Variants in ASAP2 observed in about 807,000 individuals in gnomAD.
The protein encoded by ASAP2 is arf-GAP with SH3 domain, ANK repeat and PH domain-containing protein 2.
Under a neutral mutation model 131.4 loss-of-function variants are expected in ASAP2, and 45 were observed. The observed-to-expected ratio is 0.34, with a 90% CI of 0.27 to 0.44. The LOEUF is 0.44. Among genes scored for constraint, ASAP2 ranks in the 20% least tolerant of loss-of-function variants. The pLI, the probability that ASAP2 is intolerant of heterozygous loss-of-function variation, is 1.00. For synonymous variants in ASAP2, 510 were observed against 503.0 expected, an observed-to-expected ratio of 1.01 and a Z score of -0.19; for missense variants, 1,011 against 1,297.0, an observed-to-expected ratio of 0.78 and a Z score of 3.39.
intron 1 of ASAP2, among the ~76,000 whole-genome samples, chr2:9,266,499 TC>T (rs1470192238): frequency 6.6e-6 from 1 of 152,148 alleles, no homozygotes; most frequent in Non-Finnish European, 1.5e-5. Context: ...TCAGTGCTGT[TC>T]CTGTGCGGGT....
At chr2:9,386,610 C>G (rs1675280377) in intron 21 of ASAP2, among the ~76,000 whole-genome samples, 1 of 152,210 alleles carries the variant, frequency 6.6e-6, no homozygotes, top group Non-Finnish European at 1.5e-5. Context: ...TGTGAAGAAC[C>G]ACTGGGTGCT....
At chr2:9,215,517 G>C (rs936758198) in intron 1 of ASAP2, among the ~76,000 whole-genome samples, 4 of 151,776 alleles carry the variant, frequency 2.6e-5, no homozygotes, top group African/African-American at 9.7e-5. Context: ...ATTACCATGT[G>C]TTGCTTACAT....
chr2:9,266,691 G>T (rs1665970086), intron 1 of ASAP2, among the ~76,000 whole-genome samples: 2 of 152,208 alleles, frequency 1.3e-5, no homozygotes, highest in Admixed American at 1.3e-4. Context: ...AAAAATGAAA[G>T]AAGTGTTTCT....
At chr2:9,295,392 A>C (rs993821741) in intron 2 of ASAP2, among the ~76,000 whole-genome samples, 1 of 152,260 alleles carries the variant, frequency 6.6e-6, no homozygotes, top group Non-Finnish European at 1.5e-5. Flanking sequence ...TGTGCTTTGA[A>C]TAAGTGACGC....
At chr2:9,237,830 C>A (rs1436156744) in intron 1 of ASAP2, among the ~76,000 whole-genome samples, 1 of 152,140 alleles carries the variant, frequency 6.6e-6, no homozygotes, top group Non-Finnish European at 1.5e-5. Context: ...TTTTGATTTG[C>A]AGAGCAGTTG....
At chr2:9,213,182 C>T (rs1020532593) in intron 1 of ASAP2, among the ~76,000 whole-genome samples, 24 of 152,164 alleles carry the variant, frequency 1.6e-4, no homozygotes, top group African/African-American at 5.3e-4. Flanking sequence ...AGCCTCTCTG[C>T]AGAGGTGACA....
intron 1 of ASAP2, among the ~76,000 whole-genome samples, chr2:9,259,342 C>G (rs932555155): frequency 6.6e-6 from 1 of 152,214 alleles, no homozygotes; most frequent in Non-Finnish European, 1.5e-5. Flanking sequence ...TGCTGCACTT[C>G]CCCTCCCTTC....
Position 9,207,731 on chromosome 2 carries a change from C to T in ASAP2, c.126+501C>T, listed in dbSNP as rs560499482. 6.6e-6 allele frequency among the ~76,000 whole-genome samples: 1 copy of T among 152,166 alleles called. No homozygotes were observed. The highest frequency in any genetic ancestry group is 2.1e-4 in the South Asian group (1 of 4,824). ...GGGCATCCCGGGCTGCCCGGGAAGG[C>T]GTGCCCGCCTCAGCCAGGGCGGCCT... On this transcript the variant is annotated intron_variant, in intron 1 of 27. Transcript: ENST00000281419. This position sits in a 1 kb window ranked among gnomAD's most constrained non-coding sequence, Gnocchi z 4.1.
intron 7 of ASAP2, among the ~76,000 whole-genome samples, chr2:9,331,027 G>T (rs1163465163): frequency 6.6e-6 from 1 of 152,246 alleles, no homozygotes; most frequent in African/African-American, 2.4e-5. Context: ...CAGAGTAAGA[G>T]CTCGCAGCCG....
In ASAP2 at chr2:9,268,182, C is replaced by T. The variant is rs1241278917; in HGVS notation, c.127-11135C>T. 6.6e-6 allele frequency among the ~76,000 whole-genome samples: 1 copy of T among 152,146 alleles called. No homozygotes were observed. The highest frequency in any genetic ancestry group is 2.4e-5 in the African/African-American group (1 of 41,416). On this transcript the variant is annotated intron_variant, in intron 1 of 27. Coordinates refer to ENST00000281419, the MANE Select transcript of ASAP2 (RefSeq NM_003887.3). The surrounding 1 kb of genome is among the most constrained non-coding windows in gnomAD (Gnocchi z 4.1). ...GTTGTGGGGTAAGTTTGTTCTCTTC[C>T]GTTGCTGTGTAGCATTCTGTTGTAC...
intron 24 of ASAP2, among the ~76,000 whole-genome samples, chr2:9,395,603 T>C (rs1376166294): frequency 7.6e-5 from 7 of 91,596 alleles, no homozygotes; most frequent in South Asian, 4.7e-4. Flanking sequence ...TCTTTTTTTT[T>C]TTTTTTTTTT....
rs1355600270 is a variant in ASAP2 at position 9,207,031 on chromosome 2, C to T, written c.-74C>T. 2.6e-6 allele frequency: 3 copies of T among 1,175,714 alleles called. No homozygotes were observed. Among genetic ancestry groups the T allele is most frequent in the Non-Finnish European group, 3.2e-6 (3 of 946,260 alleles). The allele number at this position is 1,175,714 out of a possible 1,614,324, so 72.8% of individuals were successfully genotyped here. A position where few individuals can be genotyped will look rare whatever the true frequency, so the allele number is the denominator to read the frequency against. On this transcript the variant is annotated 5_prime_UTR_variant, in exon 1 of 28. Coordinates refer to ENST00000281419, the MANE Select transcript of ASAP2 (RefSeq NM_003887.3). This position sits in a 1 kb window ranked among gnomAD's most constrained non-coding sequence, Gnocchi z 4.1. ...GGCGGCAGCGGCGGTGTCCGAGCGG[C>T]GGTCGGAGCCTGCTGCGGCAGTTGA...
At position 9,314,281 on chromosome 2, in the gene ASAP2, G is replaced by T. The variant is rs13430809; in HGVS notation, c.346-4243G>T. ...TTACAGGCATGAGCCACCACACTCA[G>T]CCTCCTTTGTAAATTTACCTACTGT... On this transcript the variant is annotated intron_variant, in intron 3 of 27. Coordinates refer to ENST00000281419, the MANE Select transcript of ASAP2 (RefSeq NM_003887.3). Among the ~76,000 whole-genome samples, 469 of 152,332 alleles carry T rather than the reference G, an allele frequency of 3.1e-3. 4 individuals carry two copies. The highest frequency in any genetic ancestry group is 0.01 in the African/African-American group (416 of 41,564).
intron 9 of ASAP2, among the ~76,000 whole-genome samples, chr2:9,342,027 G>C (rs897714266): frequency 6.6e-6 from 1 of 152,134 alleles, no homozygotes; most frequent in African/African-American, 2.4e-5. Context: ...AGTTTAAAAA[G>C]TCAGTGCTAG....
In ASAP2 at chr2:9,391,159, C is replaced by T. The variant is rs1344087325; in HGVS notation, c.2481C>T (p.Val827=). ...RQRSSSDPPA[V]HPPLPPLRVT... ...GATCTTCGTCAGATCCGCCAGCTGT[C>T]CATCCACCGCTGCCCCCTCTTCGCG... Residue 827 remains valine, a synonymous_variant, in exon 23 of 28, where the codon GTC becomes GTT. Coordinates refer to ENST00000281419, the MANE Select transcript of ASAP2 (RefSeq NM_003887.3). 1.9e-6 allele frequency: 3 copies of T among 1,614,082 alleles called. No individual in the cohort carries two copies. Among genetic ancestry groups the T allele is most frequent in the Non-Finnish European group, 1.7e-6 (2 of 1,180,026 alleles).
intron 16 of ASAP2, among the ~76,000 whole-genome samples, chr2:9,371,417 C>G (rs1407875491): frequency 6.6e-6 from 1 of 152,188 alleles, no homozygotes; most frequent in Non-Finnish European, 1.5e-5. Flanking sequence ...TTCTGGTGAA[C>G]CAGTGACTAT....
intron 12 of ASAP2, among the ~76,000 whole-genome samples, chr2:9,355,628 A>T (rs1235882408): frequency 3.9e-5 from 6 of 152,248 alleles, no homozygotes; most frequent in African/African-American, 1.4e-4. Flanking sequence ...TATTCTTAGA[A>T]TTTCTCATAC....
chr2:9,352,226 C>G (rs1032677706), intron 12 of ASAP2, among the ~76,000 whole-genome samples: 44 of 75,146 alleles, frequency 5.9e-4, no homozygotes, highest in African/African-American at 2.0e-3. Context: ...CACACACACA[C>G]ACACACACAC....
At chr2:9,298,045 C>T (rs184851393) in intron 3 of ASAP2, among the ~76,000 whole-genome samples, 50 of 152,276 alleles carry the variant, frequency 3.3e-4, no homozygotes, top group African/African-American at 1.1e-3. Context: ...CTGTGCTATC[C>T]TCGTGATGGG....
Sources: gnomAD v4.1 joint callset for allele counts (sites outside exome capture counted in the v4.1 genomes callset) on GRCh38, gnomAD v4.1.1 for gene constraint, Gnocchi (gnomAD v3.1) non-coding constraint, MANE v1.5 for transcripts, NCBI Gene and HGNC (gene_info 2026-07-23, HGNC 2026-07-21) for gene names.